The following STARD13 variants were observed in gnomAD, a reference collection of about 807,000 sequenced individuals.
The protein encoded by STARD13 is stAR-related lipid transfer protein 13.
A neutral mutation model predicts 106.4 loss-of-function variants in STARD13; 62 were observed. The ratio of observed to expected loss-of-function variants is 0.58; its 90% confidence interval spans 0.48 to 0.72. The LOEUF (loss-of-function observed/expected upper bound fraction) is 0.72. STARD13 is among the 30% of genes least tolerant of loss of function. STARD13 has a pLI of 0.00. For synonymous variants in STARD13, 565 were observed against 553.0 expected (o/e 1.02, Z -0.31); for missense variants, 1,387 against 1,424.0 (o/e 0.97, Z 0.42).
intron 1 of STARD13, among the ~76,000 whole-genome samples, chr13:33,308,723 C>T (rs1893021727): frequency 6.6e-6 from 1 of 151,978 alleles, no homozygotes; most frequent in Non-Finnish European, 1.5e-5. Flanking sequence ...AACGTTTCAC[C>T]ATGTTGGTCA....
chr13:33,437,446 G>C, the STARD13 span, among the ~76,000 whole-genome samples: 3 of 152,176 alleles, frequency 2.0e-5, no homozygotes, highest in Non-Finnish European at 4.4e-5. Flanking sequence ...TGTCTGAGGA[G>C]TTTTGCCTGC....
chr13:33,603,727 G>GA, the STARD13 span, among the ~76,000 whole-genome samples: 3 of 151,092 alleles, frequency 2.0e-5, no homozygotes, highest in East Asian at 1.9e-4. Flanking sequence ...ACACATTTTT[G>GA]AAAAAAAAAT....
Position 33,177,863 on chromosome 13 carries a change from AAGG to A in STARD13, c.170-10244_170-10242del, listed in dbSNP as rs1566052375. 7.5e-4 allele frequency among the ~76,000 whole-genome samples: 10 copies of A among 13,394 alleles called. 1 individual carries two copies. Among genetic ancestry groups the A allele is most frequent in the Non-Finnish European group, 1.0e-3 (8 of 7,990 alleles). The allele number at this position is 13,394 out of a possible 152,430, so 8.8% of individuals were successfully genotyped here. On this transcript the variant is annotated intron_variant, in intron 1 of 13. Coordinates refer to ENST00000336934, the MANE Select transcript of STARD13 (RefSeq NM_178006.4). The stretch of plus-strand genomic sequence containing the variant: ...AAGGAAAGGAAGGAAGGAAGGAAGG[AAGG>A]AAGGAAGGAAAGGAAGGAAGGAAGG...
intron 1 of STARD13, among the ~76,000 whole-genome samples, chr13:33,232,379 T>C (rs1888968470): frequency 6.6e-6 from 1 of 152,246 alleles, no homozygotes; most frequent in Non-Finnish European, 1.5e-5. Context: ...TCTTTTATTG[T>C]TGTACGGTTA....
the STARD13 span, among the ~76,000 whole-genome samples, chr13:33,360,687 C>T: frequency 1.5e-5 from 2 of 133,246 alleles, no homozygotes; most frequent in African/African-American, 2.7e-5. Flanking sequence ...AGGAATCCTT[C>T]TGTGTAGACA....
intron 3 of STARD13, among the ~76,000 whole-genome samples, chr13:33,151,864 C>T (rs1241046831): frequency 6.6e-6 from 1 of 152,002 alleles, no homozygotes; most frequent in Non-Finnish European, 1.5e-5. Context: ...GGGATGTCTG[C>T]GTGAAGACAG....
At chr13:33,294,590 A>T (rs1892417661) in intron 1 of STARD13, among the ~76,000 whole-genome samples, 1 of 152,140 alleles carries the variant, frequency 6.6e-6, no homozygotes, top group Non-Finnish European at 1.5e-5. Flanking sequence ...TTTACTGGAG[A>T]TTTTAACAAA....
At chr13:33,380,414 CAAAA>C in the STARD13 span, among the ~76,000 whole-genome samples, 4 of 84,580 alleles carry the variant, frequency 4.7e-5, no homozygotes, top group East Asian at 3.6e-4. Context: ...GATTCTGTCT[CAAAA>C]AAAAAAAAAA....
chr13:33,197,961 G>A (rs1473988212), intron 1 of STARD13, among the ~76,000 whole-genome samples: 1 of 152,154 alleles, frequency 6.6e-6, no homozygotes, highest in Non-Finnish European at 1.5e-5. Flanking sequence ...ATGAGGTCAG[G>A]AGATCAAGAC....
At chr13:33,407,218 C>T in the STARD13 span, among the ~76,000 whole-genome samples, 1 of 152,190 alleles carries the variant, frequency 6.6e-6, no homozygotes, top group Non-Finnish European at 1.5e-5. Flanking sequence ...AGATGGGCAG[C>T]GGGGTGGTCT....
chr13:33,588,998 C>T, the STARD13 span, among the ~76,000 whole-genome samples: 1 of 152,130 alleles, frequency 6.6e-6, no homozygotes, highest in Non-Finnish European at 1.5e-5. Context: ...GTTTTCAGAC[C>T]ATCCTCTTTG....
At chr13:33,307,580 C>T (rs1161754054) in intron 1 of STARD13, among the ~76,000 whole-genome samples, 1 of 152,106 alleles carries the variant, frequency 6.6e-6, no homozygotes, top group Non-Finnish European at 1.5e-5. Flanking sequence ...AACAAGCATG[C>T]TCTCACTTAT....
In STARD13 at chr13:33,118,086, T is replaced by C; in HGVS notation, c.2260A>G (p.Thr754Ala). The stretch of plus-strand genomic sequence containing the variant: ...TTACACTGATAGATATGGAGAAAGG[T>C]CTCACTGAGCTTGTTGGTGAAAAGA... ...EPLFTNKLSE[T>A]FLHIYQYVSK... Residue 754 changes from threonine (T) to alanine (A), a missense_variant, in exon 8 of 14, where the codon ACC (threonine) becomes GCC (alanine). Physicochemically the swap from Thr to Ala is moderately conservative, Grantham distance 58. Transcript: ENST00000336934. 6.2e-7 allele frequency: 1 copy of C among 1,614,180 alleles called. No homozygotes were observed. The highest frequency in any genetic ancestry group is 8.5e-7 in the Non-Finnish European group (1 of 1,180,032).
chr13:33,488,300 G>A, the STARD13 span, among the ~76,000 whole-genome samples: 2 of 152,280 alleles, frequency 1.3e-5, no homozygotes, highest in African/African-American at 4.8e-5. Flanking sequence ...CAGCTCAAGA[G>A]TCCCCTCATC....
chr13:33,351,277 A>G (rs895496149), upstream of STARD13, among the ~76,000 whole-genome samples: 19 of 152,240 alleles, frequency 1.2e-4, no homozygotes, highest in Non-Finnish European at 2.8e-4. Flanking sequence ...TTGAGAAAGC[A>G]TTACAATCTG....
At chr13:33,544,159 A>G in the STARD13 span, among the ~76,000 whole-genome samples, 2 of 152,266 alleles carry the variant, frequency 1.3e-5, no homozygotes, top group Non-Finnish European at 2.9e-5. Flanking sequence ...AGTTTAAACA[A>G]TCATACTAAT....
At chr13:33,309,854 G>A (rs912551767) in intron 1 of STARD13, among the ~76,000 whole-genome samples, 1 of 152,304 alleles carries the variant, frequency 6.6e-6, no homozygotes, top group South Asian at 2.1e-4. Context: ...AGGGATTGGG[G>A]ATGGGGAAAA....
intron 1 of STARD13, among the ~76,000 whole-genome samples, chr13:33,251,784 G>T (rs577840546): frequency 6.6e-6 from 1 of 152,132 alleles, no homozygotes; most frequent in Non-Finnish European, 1.5e-5. Context: ...TGTTAGATGG[G>T]GATTTTAGAA....
At chr13:33,150,972 T>G (rs765160220) in intron 3 of STARD13, among the ~76,000 whole-genome samples, 1 of 152,186 alleles carries the variant, frequency 6.6e-6, no homozygotes. Flanking sequence ...GTCCCTGCCC[T>G]TGAGAATCTC....
Sources: gnomAD v4.1 joint callset for allele counts (sites outside exome capture counted in the v4.1 genomes callset) on GRCh38, gnomAD v4.1.1 for gene constraint, MANE v1.5 for transcripts, NCBI Gene and HGNC (gene_info 2026-07-23, HGNC 2026-07-21) for gene names.